EPM2A: variants seen among roughly 807,000 people sequenced by gnomAD.
EPM2A encodes the protein laforin.
Under a neutral mutation model 26.5 loss-of-function variants are expected in EPM2A, and 21 were observed. The observed-to-expected ratio is 0.79, with a 90% CI of 0.56 to 1.14. The LOEUF (loss-of-function observed/expected upper bound fraction) is 1.14, where lower values mean the gene tolerates loss of function less well. Ranked by LOEUF, EPM2A falls within the 50% of genes most tolerant of loss-of-function variation. EPM2A has a pLI of 0.00. For synonymous variants in EPM2A, 217 were observed against 177.6 expected, an observed-to-expected ratio of 1.22 and a Z score of -1.76; for missense variants, 458 against 440.8, an observed-to-expected ratio of 1.04 and a Z score of -0.35.
intron 2 of EPM2A, among the ~76,000 whole-genome samples, chr6:145,527,376 G>C (rs908150272): frequency 6.6e-6 from 1 of 152,084 alleles, no homozygotes; most frequent in South Asian, 2.1e-4. Flanking sequence ...GTCAAATGCT[G>C]TCAGTGGGGT....
At chr6:145,472,058 T>G (rs118088068) in intron 4 of EPM2A, among the ~76,000 whole-genome samples, 2,372 of 151,046 alleles carry the variant, frequency 0.016, 32 homozygotes, top group Admixed American at 0.04. Context: ...GTCTTGCATC[T>G]TAGATACCAG....
At chr6:145,689,476 C>T (rs1171797614) in intron 1 of EPM2A, among the ~76,000 whole-genome samples, 2 of 152,144 alleles carry the variant, frequency 1.3e-5, no homozygotes, top group Non-Finnish European at 2.9e-5. Flanking sequence ...GACACTGAGA[C>T]CTAAGAAAAG....
chr6:145,609,278 C>T (rs977357613), intron 2 of EPM2A, among the ~76,000 whole-genome samples: 11 of 152,196 alleles, frequency 7.2e-5, no homozygotes, highest in East Asian at 1.9e-4. Context: ...TTAAGTCAGC[C>T]GCCAATAATC....
chr6:145,575,280 T>C (rs1029721240), intron 2 of EPM2A, among the ~76,000 whole-genome samples: 1 of 152,150 alleles, frequency 6.6e-6, no homozygotes, highest in African/African-American at 2.4e-5. Context: ...GTGTTCCCAG[T>C]TTCATCAGGG....
At chr6:145,711,228 T>G (rs190672732) in intron 1 of EPM2A, among the ~76,000 whole-genome samples, 332 of 152,324 alleles carry the variant, frequency 2.2e-3, no homozygotes, top group Non-Finnish European at 3.4e-3. Flanking sequence ...ATTATAAAGT[T>G]TGTATTCCCT....
intron 2 of EPM2A, among the ~76,000 whole-genome samples, chr6:145,666,378 CAGAG>C (rs1156646461): frequency 1.1e-4 from 11 of 104,344 alleles, no homozygotes; most frequent in Non-Finnish European, 2.0e-4. Flanking sequence ...AACAGACAAA[CAGAG>C]AGCCAAATCA....
At position 145,594,994 on chromosome 6, in the gene EPM2A, T is replaced by G. The variant is rs563742095; in HGVS notation, c.340+40251A>C. Among the ~76,000 whole-genome samples the G allele has an allele frequency of 1.9e-4, 29 of 151,974 alleles. 2 individuals are homozygous for G. In the South Asian group the frequency reaches 5.8e-3, roughly 30 times the overall value. On this transcript the variant is annotated intron_variant, in intron 2 of 3. Transcript: ENST00000450221. The stretch of plus-strand genomic sequence containing the variant: ...ATTTTTTTTTCTTAACTTTTAGTAG[T>G]TAAAAATCTAAATATTTAATTCATG...
intron 4 of EPM2A, among the ~76,000 whole-genome samples, chr6:145,482,429 T>C (rs879357652): frequency 6.6e-6 from 1 of 152,164 alleles, no homozygotes; most frequent in Non-Finnish European, 1.5e-5. Context: ...TGATCTACTT[T>C]TTATTACAGC....
intron 4 of EPM2A, among the ~76,000 whole-genome samples, chr6:145,441,204 C>T (rs151334629): frequency 7.0e-4 from 106 of 152,326 alleles, no homozygotes; most frequent in African/African-American, 2.3e-3. Flanking sequence ...CAAGGCTTGG[C>T]GCTTGCACCC....
chr6:145,653,638 C>A (rs1325713994), intron 2 of EPM2A, among the ~76,000 whole-genome samples: 2 of 152,176 alleles, frequency 1.3e-5, no homozygotes, highest in Non-Finnish European at 2.9e-5. Context: ...ATTACAGAGT[C>A]TGACAAGTCC....
At chr6:145,572,625 A>G (rs935672822) in intron 2 of EPM2A, among the ~76,000 whole-genome samples, 1 of 152,206 alleles carries the variant, frequency 6.6e-6, no homozygotes, top group Non-Finnish European at 1.5e-5. Flanking sequence ...AGTTATCTGC[A>G]GAAAACGGCA....
intron 3 of EPM2A, chr6:145,630,663 TCAG>T (rs1300581008): frequency 1.3e-5 from 2 of 152,236 alleles, no homozygotes; most frequent in Non-Finnish European, 2.9e-5. Flanking sequence ...CCCACTCATC[TCAG>T]CCTGGCCACA....
At chr6:145,714,866 G>C (rs184825244) in intron 1 of EPM2A, among the ~76,000 whole-genome samples, 4 of 152,278 alleles carry the variant, frequency 2.6e-5, no homozygotes, top group Non-Finnish European at 5.9e-5. Context: ...CATAACATGT[G>C]GGAATTCAAG....
chr6:145,445,832 C>G (rs185538769), intron 4 of EPM2A, among the ~76,000 whole-genome samples: 1 of 152,098 alleles, frequency 6.6e-6, no homozygotes, highest in Non-Finnish European at 1.5e-5. Flanking sequence ...CATTGAGAGG[C>G]GGGGTCTATG....
intron 2 of EPM2A, among the ~76,000 whole-genome samples, chr6:145,567,718 AAGAT>A (rs1249118519): frequency 2.0e-5 from 3 of 152,230 alleles, no homozygotes; most frequent in African/African-American, 7.2e-5. Context: ...GGCAGGTACT[AAGAT>A]TTGATGCATC....
At chr6:145,635,608 G>C (rs1582935771) in intron 2 of EPM2A, 122 bp from the exon 3 acceptor site, 3 of 954,454 alleles carry the variant, frequency 3.1e-6, no homozygotes, top group East Asian at 2.4e-5. Context: ...GGAAAAGCTA[G>C]ATATTTTAGA....
rs1775883095 is a variant in EPM2A, at chr6:145,627,336, T to A, written c.*80A>T. On this transcript the variant is annotated 3_prime_UTR_variant, in exon 4 of 4. Transcript: ENST00000367519. ...CACAGTCCTTTCAGTTCAGGTAGAATCCTTGTTTCTAGGTCATTTGACCAA... is the reference window on the plus strand; with the variant it reads ...CACAGTCCTTTCAGTTCAGGTAGAAACCTTGTTTCTAGGTCATTTGACCAA... 3 of 1,605,542 alleles carry A rather than the reference T, an allele frequency of 1.9e-6. 1 individual carries two copies. The highest frequency in any genetic ancestry group is 2.2e-5 in the South Asian group (2 of 90,442).
Position 145,467,099 on chromosome 6 carries a change from T to C in EPM2A, c.555+35423A>G, listed in dbSNP as rs952960307. ...CATGGCACATGTATGCATATGTAAC[T>C]AACCTGCACATTGTGCACATGTACC... On this transcript the variant is annotated intron_variant, in intron 4 of 4. Transcript: ENST00000638717. Among the ~76,000 whole-genome samples the C allele has an allele frequency of 3.9e-4, 60 of 152,200 alleles. 1 individual carries two copies. Among genetic ancestry groups the C allele is most frequent in the Admixed American group, 3.7e-3 (57 of 15,268 alleles).
At chr6:145,620,265 C>T (rs192110057) in intron 2 of EPM2A, among the ~76,000 whole-genome samples, 3 of 152,178 alleles carry the variant, frequency 2.0e-5, no homozygotes, top group Non-Finnish European at 4.4e-5. Context: ...GAGCGTGCAA[C>T]CTAGATCCCT....
Sources: allele counts gnomAD v4.1 joint callset (sites outside exome capture counted in the v4.1 genomes callset), GRCh38; gene constraint gnomAD v4.1.1; transcripts MANE v1.5; gene names NCBI Gene and HGNC (gene_info 2026-07-23, HGNC 2026-07-21).